ATP13A4: variants seen among roughly 807,000 people sequenced by gnomAD.
ATP13A4 encodes probable cation-transporting ATPase 13A4.
A neutral mutation model predicts 142.5 loss-of-function variants in ATP13A4; 114 were observed. The ratio of observed to expected loss-of-function variants is 0.80; its 90% CI spans 0.69 to 0.93. The LOEUF is 0.93. Ranked by LOEUF, ATP13A4 falls within the 40% of genes least tolerant of loss-of-function variation. The pLI is 0.00. For synonymous variants in ATP13A4, 488 were observed against 514.8 expected, an observed-to-expected ratio of 0.95 and a Z score of 0.70; for missense variants, 1,392 against 1,454.0, an observed-to-expected ratio of 0.96 and a Z score of 0.69.
At chr3:193,509,202 C>A (rs150140414) in intron 2 of ATP13A4, among the ~76,000 whole-genome samples, 2 of 152,192 alleles carry the variant, frequency 1.3e-5, no homozygotes, top group African/African-American at 4.8e-5. Context: ...TAACTCTTAT[C>A]CTTTGGTGCT....
chr3:193,495,841 TA>T (rs891322847), intron 3 of ATP13A4, among the ~76,000 whole-genome samples: 1 of 151,550 alleles, frequency 6.6e-6, no homozygotes, highest in African/African-American at 2.4e-5. Flanking sequence ...AAGCCTCCAC[TA>T]AAAAAAACTA....
intron 1 of ATP13A4, among the ~76,000 whole-genome samples, chr3:193,590,891 A>T (rs1006478899): frequency 3.9e-5 from 6 of 152,252 alleles, no homozygotes; most frequent in Non-Finnish European, 5.9e-5. Context: ...AGTGTGAACT[A>T]CCGGAGAGGA....
intron 28 of ATP13A4, among the ~76,000 whole-genome samples, chr3:193,407,605 G>A (rs1714569975): frequency 6.6e-6 from 1 of 151,976 alleles, no homozygotes; most frequent in Admixed American, 6.6e-5. Flanking sequence ...CTAATGATTT[G>A]GGGGGGTTAT....
intron 8 of ATP13A4, among the ~76,000 whole-genome samples, chr3:193,473,944 C>T (rs1718764073): frequency 6.6e-6 from 1 of 152,144 alleles, no homozygotes; most frequent in African/African-American, 2.4e-5. Flanking sequence ...CGAGGTCTGA[C>T]CATTAGTTGG....
intron 8 of ATP13A4, among the ~76,000 whole-genome samples, chr3:193,481,854 A>T (rs1719315520): frequency 6.6e-6 from 1 of 152,192 alleles, no homozygotes. Context: ...ACAGATTTTT[A>T]AATGAGCTTC....
intron 8 of ATP13A4, among the ~76,000 whole-genome samples, chr3:193,483,561 T>G (rs974827395): frequency 1.3e-5 from 2 of 151,926 alleles, no homozygotes; most frequent in South Asian, 2.1e-4. Flanking sequence ...GCCTCCCGGG[T>G]TCATGCCATT....
At chr3:193,555,214 G>T (rs1723838994), upstream of ATP13A4, 2 of 307,430 alleles carry the variant, frequency 6.5e-6, no homozygotes, top group South Asian at 3.2e-5. Context: ...AGGAGCGGGT[G>T]CAAGAACTCC....
At chr3:193,586,099 AC>A in intron 1 of ATP13A4, among the ~76,000 whole-genome samples, 1 of 45,724 alleles carries the variant, frequency 2.2e-5, no homozygotes, top group East Asian at 4.4e-4. Context: ...ATACACACAC[AC>A]ACACACACAC....
rs1714200729 is a variant in ATP13A4 at position 193,399,661 on chromosome 3, A to G, written c.*2991T>C. ...CAGGAGATTGAAACCACCCTGGCTA[A>G]CATGATGAAACCCCATCTCTACTAA... On this transcript the variant is annotated 3_prime_UTR_variant, in exon 30 of 30. Transcript: ENST00000342695. 6.6e-6 allele frequency among the ~76,000 whole-genome samples: 1 copy of G among 152,028 alleles called. No homozygotes were observed. The highest frequency in any genetic ancestry group is 1.5e-5 in the Non-Finnish European group (1 of 67,996).
intron 24 of ATP13A4, 70 bp downstream of exon 24, chr3:193,435,578 T>C: frequency 8.5e-7 from 1 of 1,177,384 alleles, no homozygotes; most frequent in Non-Finnish European, 1.3e-6. Context: ...TTGAGAGGCA[T>C]TGTAAATTGA....
chr3:193,516,362 T>C (rs769941257), intron 1 of ATP13A4, among the ~76,000 whole-genome samples: 2 of 152,226 alleles, frequency 1.3e-5, no homozygotes, highest in South Asian at 2.1e-4. Flanking sequence ...GCATAACTGA[T>C]AAAATGTTCT....
intron 26 of ATP13A4, among the ~76,000 whole-genome samples, chr3:193,413,219 C>T (rs1714865828): frequency 6.6e-6 from 1 of 152,134 alleles, no homozygotes; most frequent in South Asian, 2.1e-4. Flanking sequence ...GTGAAAATTT[C>T]ATGGACATTT....
intron 1 of ATP13A4, among the ~76,000 whole-genome samples, chr3:193,543,103 G>A (rs1227900776): frequency 1.3e-5 from 2 of 150,732 alleles, no homozygotes; most frequent in African/African-American, 2.4e-5. Context: ...AGGAGGCGGA[G>A]CTTGTAGTGA....
intron 20 of ATP13A4, among the ~76,000 whole-genome samples, 179 bp downstream of exon 20, chr3:193,441,287 A>C (rs1295753854): frequency 6.6e-6 from 1 of 152,198 alleles, no homozygotes. Context: ...TATTTATTTC[A>C]AATCTAGTAG....
intron 1 of ATP13A4, among the ~76,000 whole-genome samples, chr3:193,587,918 A>T (rs745946625): frequency 3.9e-5 from 6 of 152,224 alleles, no homozygotes; most frequent in Non-Finnish European, 8.8e-5. Flanking sequence ...GGAGCCCAGG[A>T]GTTCAAGACA....
At chr3:193,491,260 G>T in intron 6 of ATP13A4, 69 bp downstream of exon 6, 1 of 1,195,682 alleles carries the variant, frequency 8.4e-7, no homozygotes, top group Non-Finnish European at 1.2e-6. Flanking sequence ...TAGCACTCCT[G>T]ATTATTTCAC....
intron 9 of ATP13A4, among the ~76,000 whole-genome samples, chr3:193,468,666 G>T (rs1718445208): frequency 6.6e-6 from 1 of 152,226 alleles, no homozygotes; most frequent in Non-Finnish European, 1.5e-5. Context: ...AGAATCACTT[G>T]AGCCTGGCAG....
At chr3:193,568,839 C>A (rs1011011158) in intron 2 of ATP13A4, among the ~76,000 whole-genome samples, 2 of 151,908 alleles carry the variant, frequency 1.3e-5, no homozygotes, top group Non-Finnish European at 2.9e-5. Context: ...ATTTGAGCAA[C>A]AAAATAATAT....
intron 25 of ATP13A4, among the ~76,000 whole-genome samples, chr3:193,425,708 GA>G (rs1247577678): frequency 6.6e-6 from 1 of 151,738 alleles, no homozygotes; most frequent in Non-Finnish European, 1.5e-5. Flanking sequence ...AAGCTGGAAA[GA>G]ATAGAGATAG....
Sources: allele counts gnomAD v4.1 joint callset (sites outside exome capture counted in the v4.1 genomes callset), GRCh38; gene constraint gnomAD v4.1.1; transcripts MANE v1.5; gene names NCBI Gene and HGNC (gene_info 2026-07-23, HGNC 2026-07-21).